MAML3: variants seen among roughly 807,000 people sequenced by gnomAD.
The protein encoded by MAML3 is mastermind-like protein 3.
MAML3 carries 27 observed loss-of-function variants against 101.9 expected under a neutral mutation model. The observed-to-expected ratio is 0.27, with a 90% confidence interval of 0.20 to 0.37. The LOEUF is 0.37. MAML3 is among the 10% of genes least tolerant of loss of function. The pLI, the probability that MAML3 is intolerant of heterozygous loss-of-function variation, is 1.00. For synonymous variants in MAML3, 501 were observed against 555.9 expected (o/e 0.90, Z 1.39); for missense variants, 1,316 against 1,444.9 (o/e 0.91, Z 1.45).
intron 1 of MAML3, among the ~76,000 whole-genome samples, chr4:139,953,260 A>C (rs1733861650): frequency 2.0e-5 from 3 of 152,182 alleles, no homozygotes; most frequent in Admixed American, 2.0e-4. Flanking sequence ...AAAGAGATTT[A>C]TCTCTCACCG....
chr4:139,787,935 T>C (rs1460799007), intron 2 of MAML3, among the ~76,000 whole-genome samples: 1 of 152,258 alleles, frequency 6.6e-6, no homozygotes, highest in Non-Finnish European at 1.5e-5. Flanking sequence ...CTTAACTCTC[T>C]ACTTTAGGGC....
At chr4:139,812,351 G>C (rs917216561) in intron 2 of MAML3, among the ~76,000 whole-genome samples, 2 of 152,204 alleles carry the variant, frequency 1.3e-5, no homozygotes, top group Non-Finnish European at 2.9e-5. Flanking sequence ...CTGAAATTCT[G>C]TATTAGAAGT....
intron 1 of MAML3, among the ~76,000 whole-genome samples, chr4:140,097,522 G>T (rs1237550772): frequency 6.6e-6 from 1 of 152,124 alleles, no homozygotes; most frequent in Non-Finnish European, 1.5e-5. Flanking sequence ...AAAAGATGGG[G>T]CTTTGAAATG....
rs34701956 is a variant in MAML3 at position 140,067,200 on chromosome 4, GGTGTGT to G, written c.468+85654_468+85659del. ...TGGGCCATTCAGAACAAATTTTAGGGGTGTGTGTGTGTGTGTGTGTGTGTGAGTGAG... is the reference window on the plus strand; with the variant it reads ...TGGGCCATTCAGAACAAATTTTAGGGGTGTGTGTGTGTGTGTGTGAGTGAG... On this transcript the variant is annotated intron_variant, in intron 1 of 4. Coordinates refer to ENST00000509479, the MANE Select transcript of MAML3 (RefSeq NM_018717.5). Among the ~76,000 whole-genome samples, 9 of 149,838 alleles carry G rather than the reference GGTGTGT, an allele frequency of 6.0e-5. No individual in the cohort carries two copies. The East Asian group carries it at 1.2e-3, about 20-fold the overall frequency.
At chr4:140,027,174 G>T (rs1457205096) in intron 1 of MAML3, among the ~76,000 whole-genome samples, 1 of 152,008 alleles carries the variant, frequency 6.6e-6, no homozygotes. Context: ...AAATATCCCC[G>T]TCTTGTTGCT....
At chr4:139,851,548 A>G (rs1186664543) in intron 2 of MAML3, among the ~76,000 whole-genome samples, 1 of 152,238 alleles carries the variant, frequency 6.6e-6, no homozygotes, top group Non-Finnish European at 1.5e-5. Flanking sequence ...CAACCAACAT[A>G]CAGTTCATTA....
chr4:139,791,109 G>A (rs1229395234), intron 2 of MAML3, among the ~76,000 whole-genome samples: 1 of 152,138 alleles, frequency 6.6e-6, no homozygotes, highest in East Asian at 1.9e-4. Context: ...CTCTTAATAT[G>A]TACTGAACTT....
At chr4:140,125,113 A>C (rs1366750462) in intron 1 of MAML3, among the ~76,000 whole-genome samples, 1 of 152,256 alleles carries the variant, frequency 6.6e-6, no homozygotes, top group Non-Finnish European at 1.5e-5. Flanking sequence ...AAATTTAGAC[A>C]TTCAATTCAT....
intron 1 of MAML3, among the ~76,000 whole-genome samples, chr4:139,928,646 G>A (rs1320824509): frequency 6.6e-6 from 1 of 152,118 alleles, no homozygotes; most frequent in African/African-American, 2.4e-5. Context: ...GTAAGGCAAG[G>A]CATGTCAAGG....
chr4:139,724,776 T>A (rs1202928995), intron 4 of MAML3, among the ~76,000 whole-genome samples: 1 of 36,574 alleles, frequency 2.7e-5, no homozygotes, highest in East Asian at 7.8e-4. Context: ...CTCAAGGGTC[T>A]TTTTTTTTTT....
chr4:139,984,668 G>A (rs921273395), intron 1 of MAML3, among the ~76,000 whole-genome samples: 5 of 152,196 alleles, frequency 3.3e-5, no homozygotes, highest in Admixed American at 1.3e-4. Context: ...GGGCTGGCAA[G>A]TCTGAAATTT....
At chr4:139,769,358 A>G (rs539375223) in intron 2 of MAML3, among the ~76,000 whole-genome samples, 70 of 152,322 alleles carry the variant, frequency 4.6e-4, no homozygotes, top group African/African-American at 1.6e-3. Flanking sequence ...TGCATGGAAC[A>G]CAAGACACGC....
At chr4:140,052,988 C>T (rs2110925239) in intron 1 of MAML3, among the ~76,000 whole-genome samples, 1 of 152,208 alleles carries the variant, frequency 6.6e-6, no homozygotes, top group East Asian at 1.9e-4. Flanking sequence ...TAATATAAAG[C>T]CCAATATCCA....
At chr4:140,079,663 C>A (rs1190279541) in intron 1 of MAML3, among the ~76,000 whole-genome samples, 2 of 152,236 alleles carry the variant, frequency 1.3e-5, no homozygotes, top group Admixed American at 1.3e-4. Flanking sequence ...CCCATCCCCC[C>A]AAAAATCCTA....
At chr4:139,756,423 A>ACAGAAAGTTGGCCTTAAAAAGTTGTCTG (rs1729651776) in intron 2 of MAML3, among the ~76,000 whole-genome samples, 2 of 152,322 alleles carry the variant, frequency 1.3e-5, no homozygotes, top group South Asian at 4.1e-4. Context: ...ATGGCTGAAG[A>ACAGAAAGTTGGCCTTAAAAAGTTGTCTG]CAGAAAGTTG....
intron 1 of MAML3, among the ~76,000 whole-genome samples, chr4:139,941,507 A>T (rs968714222): frequency 6.6e-6 from 1 of 151,426 alleles, no homozygotes; most frequent in Admixed American, 6.6e-5. Context: ...CTAGGATACC[A>T]AGTTAATAAC....
In MAML3 at chr4:139,720,028, G is replaced by A. The variant is rs376474680; in HGVS notation, c.2712C>T (p.Ala904=). ...HNQAQGPRQP[A]SGQGVGMVSG... is the part of the protein sequence containing the mutation. ...TCACCATTCCAACCCCCTGCCCAGAGGCAGGTTGCCTCGGTCCCTGGGCTT... is the reference window on the plus strand; with the variant it reads ...TCACCATTCCAACCCCCTGCCCAGAAGCAGGTTGCCTCGGTCCCTGGGCTT... The change falls in exon 5 of 5, where the codon GCC becomes GCT. Residue 904 remains alanine (A), a synonymous_variant. Coordinates refer to ENST00000509479, the MANE Select transcript of MAML3 (RefSeq NM_018717.5). 2.8e-5 allele frequency: 45 copies of A among 1,613,976 alleles called. No homozygotes were observed. The highest frequency in any genetic ancestry group is 3.6e-5 in the Non-Finnish European group (42 of 1,179,916).
At chr4:139,825,320 G>A (rs1373955064) in intron 2 of MAML3, among the ~76,000 whole-genome samples, 2 of 152,148 alleles carry the variant, frequency 1.3e-5, no homozygotes, top group African/African-American at 4.8e-5. Context: ...ACTTTCTCTG[G>A]CTGAACATTT....
At chr4:139,724,186 A>G (rs1052347807) in intron 4 of MAML3, among the ~76,000 whole-genome samples, 3 of 152,234 alleles carry the variant, frequency 2.0e-5, no homozygotes, top group Non-Finnish European at 4.4e-5. Flanking sequence ...TAAGCATTCC[A>G]GAGGTGGAAG....
Sources: gnomAD v4.1 joint callset for allele counts (sites outside exome capture counted in the v4.1 genomes callset) on GRCh38, gnomAD v4.1.1 for gene constraint, MANE v1.5 for transcripts, NCBI Gene and HGNC (gene_info 2026-07-23, HGNC 2026-07-21) for gene names.